Variants in PDIA5 observed in about 807,000 individuals in gnomAD.
The protein encoded by PDIA5 is protein disulfide-isomerase A5.
PDIA5 carries 58 observed loss-of-function variants against 77.6 expected under a neutral mutation model. That is an observed-to-expected ratio of 0.75 (90% confidence interval 0.61 to 0.93). The LOEUF is 0.93. Among genes scored for constraint, PDIA5 ranks in the 40% least tolerant of loss-of-function variants. The pLI, the probability that PDIA5 is intolerant of heterozygous loss-of-function variation, is 0.00. For missense variants in PDIA5, 630 were observed against 647.7 expected, an observed-to-expected ratio of 0.97 and a Z score of 0.30; for synonymous variants, 250 against 252.1, an observed-to-expected ratio of 0.99 and a Z score of 0.08.
intron 15 of PDIA5, among the ~76,000 whole-genome samples, 163 bp downstream of exon 15, chr3:123,155,204 GGC>G (rs1314475861): frequency 2.0e-5 from 3 of 152,190 alleles, no homozygotes; most frequent in African/African-American, 7.2e-5. Context: ...AGATAGGGCA[GGC>G]TGGATTTATG....
intron 1 of PDIA5, among the ~76,000 whole-genome samples, chr3:123,068,005 G>T (rs1015967536): frequency 2.0e-5 from 3 of 152,148 alleles, no homozygotes; most frequent in Non-Finnish European, 2.9e-5. Flanking sequence ...TGGTGGGGGG[G>T]ACTCCAGGCA....
intron 1 of PDIA5, among the ~76,000 whole-genome samples, chr3:123,083,570 C>A (rs1934065287): frequency 6.6e-6 from 1 of 152,136 alleles, no homozygotes; most frequent in Non-Finnish European, 1.5e-5. Context: ...CGATTGACTT[C>A]GAATGTAAAG....
intron 10 of PDIA5, among the ~76,000 whole-genome samples, chr3:123,130,260 G>C (rs1935340423): frequency 6.6e-6 from 1 of 152,384 alleles, no homozygotes; most frequent in African/African-American, 2.4e-5. Flanking sequence ...TATCAGCTAA[G>C]TACCTGTCTG....
intron 11 of PDIA5, among the ~76,000 whole-genome samples, chr3:123,132,477 CA>C (rs1935391424): frequency 6.6e-6 from 1 of 152,184 alleles, no homozygotes; most frequent in African/African-American, 2.4e-5. Flanking sequence ...GAAAAGAGAC[CA>C]AAACAAGCCC....
At chr3:123,130,655 C>G (rs1935352115) in intron 11 of PDIA5, 39 bp downstream of exon 11, 1 of 1,608,694 alleles carries the variant, frequency 6.2e-7, no homozygotes, top group Non-Finnish European at 8.5e-7. Flanking sequence ...ACACCCTCCC[C>G]TCTCTCAGAG....
At chr3:123,149,557 C>T (rs2107985634) in intron 13 of PDIA5, among the ~76,000 whole-genome samples, 1 of 151,392 alleles carries the variant, frequency 6.6e-6, no homozygotes, top group Non-Finnish European at 1.5e-5. Flanking sequence ...AGTGGAGGGA[C>T]CCAGTGGACA....
In PDIA5 at chr3:123,106,255, G is replaced by A. The variant is rs776926834; in HGVS notation, c.388-494G>A. 5.3e-5 allele frequency among the ~76,000 whole-genome samples: 8 copies of A among 152,214 alleles called. 1 individual carries two copies. The highest frequency in any genetic ancestry group is 1.2e-4 in the Non-Finnish European group (8 of 68,038). On this transcript the variant is annotated intron_variant, in intron 5 of 16. Coordinates refer to ENST00000316218, the MANE Select transcript of PDIA5 (RefSeq NM_006810.4). ...ACCAGTTTAGATCATGAAATACCAA[G>A]CAGGTCATAAGTAGGTATGATGATC...
chr3:123,090,356 C>T (rs374135595), intron 2 of PDIA5, among the ~76,000 whole-genome samples: 1 of 152,186 alleles, frequency 6.6e-6, no homozygotes, highest in African/African-American at 2.4e-5. Flanking sequence ...TGGCTTGCTG[C>T]CTTGGATACT....
rs1934853347 is a variant in PDIA5 at position 123,111,107 on chromosome 3, GC to G, written c.541+105del. On this transcript the variant is annotated intron_variant, in intron 7 of 16. Coordinates refer to ENST00000316218, the MANE Select transcript of PDIA5 (RefSeq NM_006810.4). ...CGGGGTCTGGGGGATTAGCCTGGGT[GC>G]CTGGCTTAGAACGCTGAATCTCATC... 7.4e-6 allele frequency: 6 copies of G among 813,660 alleles called. No individual in the cohort carries two copies. In the East Asian group the frequency reaches 1.6e-4, roughly 21 times the overall value. The allele number at this position is 813,660 out of a possible 1,614,324, so 50.4% of individuals were successfully genotyped here. A position where few individuals can be genotyped will look rare whatever the true frequency, so the allele number is the denominator to read the frequency against.
intron 1 of PDIA5, among the ~76,000 whole-genome samples, chr3:123,077,705 C>CCTT (rs1933891111): frequency 6.6e-6 from 1 of 152,068 alleles, no homozygotes; most frequent in Admixed American, 6.5e-5. Context: ...TAAGGTTAGG[C>CCTT]CTTCACTCCT....
At chr3:123,137,814 C>T (rs569005096) in intron 11 of PDIA5, among the ~76,000 whole-genome samples, 34 of 152,170 alleles carry the variant, frequency 2.2e-4, no homozygotes, top group Non-Finnish European at 3.8e-4. Flanking sequence ...ATCCTGACCT[C>T]TGGGATTTGT....
intron 16 of PDIA5, 21 bp downstream of exon 16, chr3:123,161,476 T>G (rs1416889387): frequency 6.2e-7 from 1 of 1,610,012 alleles, no homozygotes; most frequent in African/African-American, 1.3e-5. Context: ...GAGAGGCGTC[T>G]GCCCAGAGCT....
intron 1 of PDIA5, among the ~76,000 whole-genome samples, chr3:123,085,501 T>C (rs1934115675): frequency 6.6e-6 from 1 of 152,184 alleles, no homozygotes; most frequent in African/African-American, 2.4e-5. Context: ...GAAGGTGGTT[T>C]GTTTAATCTC....
At chr3:123,073,905 T>C (rs989126177) in intron 1 of PDIA5, among the ~76,000 whole-genome samples, 3 of 152,226 alleles carry the variant, frequency 2.0e-5, no homozygotes, top group African/African-American at 7.2e-5. Context: ...TTGAGGGTTG[T>C]AAACTGGGGC....
At position 123,156,898 on chromosome 3, in the gene PDIA5, G is replaced by A. The variant is rs577042477; in HGVS notation, c.1344+1857G>A. ...CTGTCCTGTGGCCTGACCCACATCAGTGCAGGTGAGGCCAGACTTGCCAGG... is the reference window on the plus strand; with the variant it reads ...CTGTCCTGTGGCCTGACCCACATCAATGCAGGTGAGGCCAGACTTGCCAGG... On this transcript the variant is annotated intron_variant, in intron 15 of 16. Transcript: ENST00000316218. 5.9e-5 allele frequency among the ~76,000 whole-genome samples: 9 copies of A among 152,326 alleles called. No homozygotes were observed. The South Asian group carries it at 1.9e-3, about 32-fold the overall frequency.
intron 3 of PDIA5, among the ~76,000 whole-genome samples, chr3:123,102,201 C>G (rs536204084): frequency 6.6e-6 from 1 of 152,348 alleles, no homozygotes; most frequent in South Asian, 2.1e-4. Context: ...TGAGCCCCCA[C>G]GCCCAGCCTC....
At chr3:123,157,602 T>C (rs1936049585) in intron 15 of PDIA5, among the ~76,000 whole-genome samples, 1 of 152,232 alleles carries the variant, frequency 6.6e-6, no homozygotes, top group African/African-American at 2.4e-5. Flanking sequence ...CAGCCCCTGT[T>C]CCTATCCCAA....
chr3:123,144,884 T>C (rs772673211), intron 11 of PDIA5: 1 of 151,552 alleles, frequency 6.6e-6, no homozygotes, highest in Non-Finnish European at 1.5e-5. Context: ...CAAGACTCTA[T>C]CTCAAAACAA....
chr3:123,146,429 C>T (rs1049795124), intron 13 of PDIA5, among the ~76,000 whole-genome samples, 170 bp downstream of exon 13: 1 of 152,220 alleles, frequency 6.6e-6, no homozygotes, highest in East Asian at 1.9e-4. Flanking sequence ...ATGCTGATCA[C>T]GTGTCTTGAT....
Sources: allele counts gnomAD v4.1 joint callset (sites outside exome capture counted in the v4.1 genomes callset), GRCh38; gene constraint gnomAD v4.1.1; transcripts MANE v1.5; gene names NCBI Gene and HGNC (gene_info 2026-07-23, HGNC 2026-07-21).